EXOC6B: variants seen among roughly 807,000 people sequenced by gnomAD.
EXOC6B encodes SEC15 homolog B.
Under a neutral mutation model 113.5 loss-of-function variants are expected in EXOC6B, and 54 were observed. The observed-to-expected ratio is 0.48, with a 90% CI of 0.38 to 0.60. EXOC6B has a LOEUF of 0.60. Among genes scored for constraint, EXOC6B ranks in the 20% least tolerant of loss-of-function variants. The pLI, the probability that EXOC6B is intolerant of heterozygous loss-of-function variation, is 0.00. For synonymous variants in EXOC6B, 357 were observed against 339.0 expected, an observed-to-expected ratio of 1.05 and a Z score of -0.58; for missense variants, 797 against 977.5, an observed-to-expected ratio of 0.82 and a Z score of 2.46.
At chr2:72,569,406 A>G (rs2103777886) in intron 7 of EXOC6B, among the ~76,000 whole-genome samples, 1 of 152,216 alleles carries the variant, frequency 6.6e-6, no homozygotes, top group Non-Finnish European at 1.5e-5. Context: ...TAGACACCCA[A>G]TATAAGCAGT....
At chr2:72,183,900 AAGAC>A (rs1678251156) in intron 21 of EXOC6B, among the ~76,000 whole-genome samples, 171 bp downstream of exon 21, 1 of 152,130 alleles carries the variant, frequency 6.6e-6, no homozygotes, top group South Asian at 2.1e-4. Flanking sequence ...CCACAGGAGG[AAGAC>A]TGGCCTGCCA....
chr2:72,509,441 G>A (rs1185749649), intron 11 of EXOC6B, among the ~76,000 whole-genome samples: 1 of 152,054 alleles, frequency 6.6e-6, no homozygotes, highest in African/African-American at 2.4e-5. Flanking sequence ...CATACCCTAT[G>A]CTAAAATAAA....
In EXOC6B at chr2:72,514,617, T is replaced by TAC. The variant is rs760993445; in HGVS notation, c.1046+16_1046+17insGT. 12 of 393,256 alleles carry TAC rather than the reference T, an allele frequency of 3.1e-5. No individual in the cohort carries two copies. The highest frequency in any genetic ancestry group is 2.5e-4 in the African/African-American group (11 of 44,760). 24.4% of individuals were successfully genotyped at this position (393,256 alleles called of 1,614,324 possible). On this transcript the variant is annotated intron_variant, in intron 10 of 21. Coordinates refer to ENST00000272427, the MANE Select transcript of EXOC6B (RefSeq NM_015189.3). ...AAATAAATAAATAAATATATATATATATATATATATACCTACCCTACAATT... is the reference window on the plus strand; with the variant it reads ...AAATAAATAAATAAATATATATATATACATATATATATACCTACCCTACAATT...
chr2:72,632,101 T>G (rs1202226946), intron 6 of EXOC6B, among the ~76,000 whole-genome samples: 2 of 151,898 alleles, frequency 1.3e-5, no homozygotes, highest in Non-Finnish European at 2.9e-5. Flanking sequence ...TAACTGATGA[T>G]TTAAAAAGAA....
chr2:72,651,681 C>T lies in EXOC6B; in HGVS notation c.669+66422G>A, dbSNP rs566984240. ...ATCGCCCAGGCTGGACTGCAAGCTC[C>T]GCCTCCCAGGTTCATGCCATTCTCC... On this transcript the variant is annotated intron_variant, in intron 6 of 21. Transcript: ENST00000272427. Among the ~76,000 whole-genome samples the T allele has an allele frequency of 7.9e-5, 12 of 152,230 alleles. No individual in the cohort carries two copies. The East Asian group carries it at 2.3e-3, about 29-fold the overall frequency.
chr2:72,796,291 T>C (rs1254320461), intron 1 of EXOC6B, among the ~76,000 whole-genome samples: 1 of 151,468 alleles, frequency 6.6e-6, no homozygotes, highest in Non-Finnish European at 1.5e-5. Context: ...CCATCTCTAC[T>C]AAAAATACAA....
intron 5 of EXOC6B, among the ~76,000 whole-genome samples, chr2:72,725,511 C>T (rs1680245748): frequency 1.3e-5 from 2 of 152,096 alleles, no homozygotes; most frequent in Non-Finnish European, 2.9e-5. Flanking sequence ...ATGCCTCAGC[C>T]CCTCTGAGGA....
chr2:72,569,950 C>A (rs1008574903), intron 7 of EXOC6B, among the ~76,000 whole-genome samples: 11 of 152,084 alleles, frequency 7.2e-5, no homozygotes, highest in Admixed American at 3.3e-4. Flanking sequence ...TAAAATAAAT[C>A]TTTTTTGTAT....
At chr2:72,632,731 G>A (rs1399960258) in intron 6 of EXOC6B, among the ~76,000 whole-genome samples, 1 of 151,860 alleles carries the variant, frequency 6.6e-6, no homozygotes, top group Non-Finnish European at 1.5e-5. Flanking sequence ...TCCCAGGCTG[G>A]AGTACAGTGG....
intron 16 of EXOC6B, among the ~76,000 whole-genome samples, chr2:72,482,153 G>C (rs1254290504): frequency 6.6e-6 from 1 of 152,122 alleles, no homozygotes; most frequent in Non-Finnish European, 1.5e-5. Context: ...AGTGCTGCAT[G>C]ATTGTGTACA....
intron 6 of EXOC6B, among the ~76,000 whole-genome samples, chr2:72,644,884 T>C (rs1451903418): frequency 6.6e-6 from 1 of 152,132 alleles, no homozygotes; most frequent in East Asian, 1.9e-4. Context: ...CATCAACTAA[T>C]GGGCAAAATA....
chr2:72,653,473 G>T (rs547941215), intron 6 of EXOC6B, among the ~76,000 whole-genome samples: 42 of 147,996 alleles, frequency 2.8e-4, no homozygotes, highest in African/African-American at 1.0e-3. Context: ...GAGTTAATGG[G>T]TGCAGCACAC....
intron 19 of EXOC6B, among the ~76,000 whole-genome samples, chr2:72,341,071 G>A (rs535402264): frequency 9.6e-4 from 146 of 152,260 alleles, no homozygotes; most frequent in African/African-American, 3.5e-3. Flanking sequence ...ACTTGTCTAA[G>A]TATGCTTGTA....
chr2:72,678,518 C>T (rs1349970246), intron 6 of EXOC6B, among the ~76,000 whole-genome samples: 1 of 152,154 alleles, frequency 6.6e-6, no homozygotes, highest in Non-Finnish European at 1.5e-5. Context: ...GCCTCTTGGC[C>T]AACATGGCGA....
chr2:72,579,857 A>G (rs1705096873), intron 6 of EXOC6B, among the ~76,000 whole-genome samples: 2 of 152,186 alleles, frequency 1.3e-5, no homozygotes, highest in South Asian at 4.1e-4. Flanking sequence ...GAGGCCAAAT[A>G]TAATTATATA....
chr2:72,738,405 C>T (rs1681100542), intron 2 of EXOC6B, among the ~76,000 whole-genome samples: 2 of 152,152 alleles, frequency 1.3e-5, no homozygotes, highest in South Asian at 4.1e-4. Context: ...CTGCAGTCTG[C>T]CCCTTCTTCA....
At chr2:72,720,878 G>A (rs954392835) in intron 5 of EXOC6B, among the ~76,000 whole-genome samples, 4 of 151,400 alleles carry the variant, frequency 2.6e-5, no homozygotes, top group South Asian at 2.1e-4. Context: ...AAAAAAAAAA[G>A]GGATGATATT....
chr2:72,271,420 A>C (rs1684474844), intron 20 of EXOC6B, among the ~76,000 whole-genome samples: 1 of 152,052 alleles, frequency 6.6e-6, no homozygotes, highest in Non-Finnish European at 1.5e-5. Context: ...AGTCTGTCAA[A>C]TGAGGTGTTT....
At chr2:72,398,072 CT>C (rs1206651842) in intron 18 of EXOC6B, among the ~76,000 whole-genome samples, 1 of 152,196 alleles carries the variant, frequency 6.6e-6, no homozygotes, top group African/African-American at 2.4e-5. Context: ...ATAAGGGTGT[CT>C]TTGGATGAGA....
Sources: gnomAD v4.1 joint callset for allele counts (sites outside exome capture counted in the v4.1 genomes callset) on GRCh38, gnomAD v4.1.1 for gene constraint, MANE v1.5 for transcripts, NCBI Gene and HGNC (gene_info 2026-07-23, HGNC 2026-07-21) for gene names.